GSK3B: variants seen among roughly 807,000 people sequenced by gnomAD.
The protein encoded by GSK3B is glycogen synthase kinase 3 beta.
GSK3B carries 15 observed loss-of-function variants against 56.4 expected under a neutral mutation model. That is an observed-to-expected ratio of 0.27 (90% confidence interval 0.18 to 0.41). The LOEUF is 0.41. Among genes scored for constraint, GSK3B ranks in the 10% least tolerant of loss-of-function variants. The probability of loss-of-function intolerance (pLI) is 1.00; values close to 1 mark genes in which losing one functional copy is unlikely to be tolerated. For missense variants in GSK3B, 300 were observed against 513.4 expected (o/e 0.58, Z 4.02); for synonymous variants, 181 against 188.9 (o/e 0.96, Z 0.34).
At chr3:120,077,932 T>A (rs924889376) in intron 1 of GSK3B, among the ~76,000 whole-genome samples, 2 of 151,846 alleles carry the variant, frequency 1.3e-5, no homozygotes, top group South Asian at 2.1e-4. Flanking sequence ...ATTAAAAAAA[T>A]ATATTTTTTT....
At chr3:119,880,684 G>T (rs572996738) in intron 7 of GSK3B, among the ~76,000 whole-genome samples, 1 of 152,176 alleles carries the variant, frequency 6.6e-6, no homozygotes, top group East Asian at 1.9e-4. Context: ...AATGTTATTG[G>T]AAAGAAAATA....
intron 7 of GSK3B, among the ~76,000 whole-genome samples, chr3:119,902,622 C>A (rs1324436485): frequency 1.3e-5 from 2 of 152,162 alleles, no homozygotes; most frequent in Non-Finnish European, 2.9e-5. Context: ...GTCTTGAACT[C>A]TTGACCTCAA....
At chr3:120,037,061 TATC>T (rs1163555027) in intron 1 of GSK3B, among the ~76,000 whole-genome samples, 2 of 152,288 alleles carry the variant, frequency 1.3e-5, no homozygotes, top group East Asian at 3.9e-4. Flanking sequence ...ATTAAACAAT[TATC>T]ATCTTGTTTC....
In GSK3B at chr3:120,082,168, C is replaced by A. The variant is rs141014865; in HGVS notation, c.88+11179G>T. ...TGAAAAACGTAACAATTTTCAACCT[C>A]TTTTAAATCTCAAAATAAGCTGAAA... On this transcript the variant is annotated intron_variant, in intron 1 of 10. Transcript: ENST00000264235. Among the ~76,000 whole-genome samples the A allele has an allele frequency of 7.3e-3, 1,115 of 152,242 alleles. 8 individuals carry two copies. The highest frequency in any genetic ancestry group is 0.017 in the Middle Eastern group (5 of 294).
chr3:120,025,088 G>A (rs2057911784), intron 1 of GSK3B, among the ~76,000 whole-genome samples: 1 of 152,274 alleles, frequency 6.6e-6, no homozygotes, highest in South Asian at 2.1e-4. Flanking sequence ...GCCAGGTGTG[G>A]TGGCTCATGT....
chr3:120,048,256 A>C (rs1161839592), intron 1 of GSK3B, among the ~76,000 whole-genome samples: 1 of 152,234 alleles, frequency 6.6e-6, no homozygotes, highest in Non-Finnish European at 1.5e-5. Context: ...ATGTGATATA[A>C]GTGCCTTTTA....
At chr3:120,083,835 C>G (rs2107580057) in intron 1 of GSK3B, among the ~76,000 whole-genome samples, 1 of 152,256 alleles carries the variant, frequency 6.6e-6, no homozygotes, top group South Asian at 2.1e-4. Context: ...GAATGAAGTA[C>G]TAATACATGC....
intron 4 of GSK3B, among the ~76,000 whole-genome samples, chr3:119,919,532 G>GAAAAAAAAAAAAAAAAAAAAAA (rs1191428996): frequency 1.0e-5 from 1 of 97,362 alleles, no homozygotes; most frequent in Non-Finnish European, 2.2e-5. Context: ...AAAAAAAAAA[G>GAAAAAAAAAAAAAAAAAAAAAA]AAAAAAAAAA....
chr3:119,940,769 A>C (rs2057040545), intron 3 of GSK3B, among the ~76,000 whole-genome samples: 1 of 152,160 alleles, frequency 6.6e-6, no homozygotes, highest in Non-Finnish European at 1.5e-5. Context: ...AAAAATGCAC[A>C]ATCTTTATTT....
At chr3:120,035,278 T>C (rs928489627) in intron 1 of GSK3B, among the ~76,000 whole-genome samples, 1 of 152,160 alleles carries the variant, frequency 6.6e-6, no homozygotes, top group Non-Finnish European at 1.5e-5. Flanking sequence ...CAGGGATTGC[T>C]AGCAAACACT....
chr3:119,929,741 A>G lies in GSK3B; in HGVS notation c.367-6258T>C, dbSNP rs367933946. Among the ~76,000 whole-genome samples, 68 of 152,122 alleles carry G rather than the reference A, an allele frequency of 4.5e-4. No homozygotes were observed. In the East Asian group the frequency reaches 9.9e-3, roughly 22 times the overall value. On this transcript the variant is annotated intron_variant, in intron 3 of 10. Coordinates refer to ENST00000264235, the MANE Select transcript of GSK3B (RefSeq NM_001146156.2). ...AACATGGAGAAATCCCGTCTCTACT[A>G]AAAATACAAAATTAGCCAGGCATGG...
chr3:119,858,103 T>C (rs1037808037), intron 9 of GSK3B, among the ~76,000 whole-genome samples: 4 of 152,002 alleles, frequency 2.6e-5, no homozygotes, highest in African/African-American at 9.7e-5. Context: ...ACAAGAAGAG[T>C]AGACTTAGCA....
At chr3:120,006,929 G>C (rs2057733920) in intron 1 of GSK3B, among the ~76,000 whole-genome samples, 1 of 150,550 alleles carries the variant, frequency 6.6e-6, no homozygotes, top group South Asian at 2.1e-4. Flanking sequence ...AGAAGTGAAA[G>C]AGATAGAGAC....
chr3:119,863,698 AC>A (rs1395132084), intron 8 of GSK3B, 93 bp from the exon 9 acceptor site: 1 of 762,616 alleles, frequency 1.3e-6, no homozygotes, highest in African/African-American at 1.7e-5. Flanking sequence ...CCCACCATGT[AC>A]AGAAACATGG....
At chr3:119,921,999 T>C (rs1323484097) in intron 4 of GSK3B, among the ~76,000 whole-genome samples, 2 of 152,006 alleles carry the variant, frequency 1.3e-5, no homozygotes, top group East Asian at 1.9e-4. Flanking sequence ...TAGCTGGGCA[T>C]GGTCGCGTGT....
intron 1 of GSK3B, among the ~76,000 whole-genome samples, chr3:120,089,570 T>A (rs948702035): frequency 3.9e-5 from 6 of 152,202 alleles, no homozygotes; most frequent in African/African-American, 1.4e-4. Context: ...CTACTATTAT[T>A]CTCTCTTTGC....
intron 1 of GSK3B, among the ~76,000 whole-genome samples, chr3:120,043,833 A>T (rs929584011): frequency 6.6e-6 from 1 of 152,212 alleles, no homozygotes; most frequent in Non-Finnish European, 1.5e-5. Context: ...CTTCTTTAAA[A>T]TGCGTTTTAT....
At chr3:120,019,305 T>C (rs1264537343) in intron 1 of GSK3B, among the ~76,000 whole-genome samples, 1 of 152,126 alleles carries the variant, frequency 6.6e-6, no homozygotes, top group East Asian at 1.9e-4. Context: ...AGTAGCATTC[T>C]ACTCCCCATT....
At position 119,896,555 on chromosome 3, in the gene GSK3B, TAAAC is replaced by T. The variant is rs1431708791; in HGVS notation, c.813+9196_813+9199del. On this transcript the variant is annotated intron_variant, in intron 7 of 10. Transcript: ENST00000264235. ...CTGTCTTAATATCTTATACATCAAA[TAAAC>T]AATAAAATATTGCTTTATAAATATG... 7.2e-5 allele frequency among the ~76,000 whole-genome samples: 11 copies of T among 152,248 alleles called. No homozygotes were observed. The East Asian group carries it at 9.7e-4, about 13-fold the overall frequency.
Sources: gnomAD v4.1 joint callset for allele counts (sites outside exome capture counted in the v4.1 genomes callset) on GRCh38, gnomAD v4.1.1 for gene constraint, MANE v1.5 for transcripts, NCBI Gene and HGNC (gene_info 2026-07-23, HGNC 2026-07-21) for gene names.